Variants in ADGRF1 observed in about 807,000 individuals in gnomAD.
The protein encoded by ADGRF1 is G protein-coupled receptor 110.
In ADGRF1, 85 loss-of-function variants were observed where a neutral mutation model predicts 87.2. The ratio of observed to expected loss-of-function variants is 0.97; its 90% confidence interval spans 0.82 to 1.17. ADGRF1 has a LOEUF of 1.17. Ranked by LOEUF, ADGRF1 falls within the 50% of genes most tolerant of loss-of-function variation. The pLI is 0.00. For synonymous variants in ADGRF1, 430 were observed against 408.8 expected, an observed-to-expected ratio of 1.05 and a Z score of -0.63; for missense variants, 1,169 against 1,077.2, an observed-to-expected ratio of 1.09 and a Z score of -1.19.
rs1780759601 is a variant in ADGRF1, at chr6:47,042,260, T to C, written c.-113A>G. ...TTCAGTATACTTGTGGCTCAATCAC[T>C]TCTTATGCTGTTTGGAAAGAAAGTA... is the stretch of plus-strand genomic sequence containing the variant. On this transcript the variant is annotated 5_prime_UTR_variant, in exon 1 of 15. Transcript: ENST00000371253. The C allele has an allele frequency of 6.6e-6, 1 of 152,214 alleles. No individual in the cohort carries two copies. The highest frequency in any genetic ancestry group is 2.4e-5 in the African/African-American group (1 of 41,450). The allele number at this position is 152,214 out of a possible 1,614,324, so 9.4% of individuals were successfully genotyped here.
chr6:47,033,368 C>T (rs897517199), intron 1 of ADGRF1, among the ~76,000 whole-genome samples: 5 of 152,226 alleles, frequency 3.3e-5, no homozygotes, highest in Admixed American at 6.5e-5. Flanking sequence ...TATATACTTA[C>T]GGACTCCAAA....
chr6:47,011,135 C>A (rs1779693554), intron 10 of ADGRF1, among the ~76,000 whole-genome samples: 1 of 152,110 alleles, frequency 6.6e-6, no homozygotes, highest in Admixed American at 6.6e-5. Context: ...TGTTTTCACT[C>A]TTCATTTTAT....
chr6:47,006,100 TC>T (rs1406674549), intron 12 of ADGRF1, among the ~76,000 whole-genome samples: 2 of 152,188 alleles, frequency 1.3e-5, no homozygotes, highest in Non-Finnish European at 2.9e-5. Context: ...CCATACTCAT[TC>T]CAATTTTAGA....
chr6:47,013,278 A>G, intron 9 of ADGRF1: 1 of 985,424 alleles, frequency 1.0e-6, no homozygotes, highest in Non-Finnish European at 1.2e-6. Context: ...CCTGGAGCGA[A>G]CTAGTCTCAA....
intron 7 of ADGRF1, 198 bp downstream of exon 7, chr6:47,020,533 T>C: frequency 6.6e-7 from 1 of 1,505,966 alleles, no homozygotes. Flanking sequence ...GGTCCTAAAC[T>C]CATTTAAGTG....
At position 47,009,454 on chromosome 6, in the gene ADGRF1, C is replaced by T. The variant is rs1176732016; in HGVS notation, c.1981G>A (p.Val661Met). 8.7e-6 allele frequency: 14 copies of T among 1,613,918 alleles called. No individual in the cohort carries two copies. In the Middle Eastern group the frequency reaches 1.5e-3, roughly 171 times the overall value. Residue 661 changes from valine to methionine, a missense_variant, in exon 11 of 15, where the codon GTG becomes ATG. By Grantham distance (21) the Val-to-Met change is conservative. Transcript: ENST00000371253. The part of the protein sequence containing the change: ...VNPSGVCTAA[V>M]FFTHFFYLSL... ...AGGTAGAAGAAGTGTGTAAAGAACA[C>T]AGCAGCTGTGCAGACTCCAGAAGGG...
intron 13 of ADGRF1, among the ~76,000 whole-genome samples, chr6:47,002,567 T>A (rs1435658953): frequency 2.0e-5 from 3 of 152,168 alleles, no homozygotes; most frequent in Non-Finnish European, 4.4e-5. Context: ...GAATTTTAGG[T>A]TGTAACATAC....
intron 14 of ADGRF1, among the ~76,000 whole-genome samples, chr6:47,001,249 A>C (rs911050441): frequency 1.3e-5 from 2 of 152,214 alleles, no homozygotes; most frequent in African/African-American, 4.8e-5. Flanking sequence ...ATCTAATGTC[A>C]AACTTGGGAA....
Position 46,999,957 on chromosome 6 carries a change from C to A in ADGRF1, c.*265G>T. On this transcript the variant is annotated 3_prime_UTR_variant, in exon 15 of 15. Transcript: ENST00000371253. ...GAAACCATATTTTATGGTCAGGGTA[C>A]AACTGACACGATTTCCAACAAAACC... The A allele has an allele frequency of 2.7e-6, 1 of 365,960 alleles. No homozygotes were observed. The highest frequency in any genetic ancestry group is 5.1e-6 in the Non-Finnish European group (1 of 197,576). The allele number at this position is 365,960 out of a possible 1,614,324, so 22.7% of individuals were successfully genotyped here. A position where few individuals can be genotyped will look rare whatever the true frequency, so the allele number is the denominator to read the frequency against.
chr6:47,022,723 C>T (rs1780096840), intron 5 of ADGRF1, among the ~76,000 whole-genome samples: 1 of 152,090 alleles, frequency 6.6e-6, no homozygotes, highest in African/African-American at 2.4e-5. Flanking sequence ...AGTGTCATCC[C>T]TGTCTGATCC....
At position 47,016,737 on chromosome 6, in the gene ADGRF1, C is replaced by G. The variant is rs1319066384; in HGVS notation, c.643G>C (p.Val215Leu). Residue 215 changes from valine to leucine, a missense_variant, in exon 8 of 15, where the codon GTT becomes CTT. Coordinates refer to ENST00000371253, the MANE Select transcript of ADGRF1 (RefSeq NM_153840.4). ...AGTTCAGATGCACTGCTGGAGCCAA[C>G]AACTTCATACCCAGCAACGATGCTT... ...NGSIVAGYEV[V>L]GSSSASELLS... 6.3e-7 allele frequency: 1 copy of G among 1,599,472 alleles called. No homozygotes were observed. Among genetic ancestry groups the G allele is most frequent in the Non-Finnish European group, 8.6e-7 (1 of 1,169,386 alleles).
At chr6:47,042,081 G>C (rs1780755317) in intron 1 of ADGRF1, 110 bp downstream of exon 1, 1 of 152,074 alleles carries the variant, frequency 6.6e-6, no homozygotes, top group Admixed American at 6.5e-5. Flanking sequence ...ATGATACATT[G>C]AAATCAGAAT....
At chr6:47,018,362 AATT>A (rs1779941853) in intron 7 of ADGRF1, 1 of 1,246,570 alleles carries the variant, frequency 8.0e-7, no homozygotes, top group Non-Finnish European at 1.0e-6. Context: ...TGGGTGAAAA[AATT>A]ATTAATTACT....
chr6:47,018,353 G>T, intron 7 of ADGRF1: 5 of 1,238,370 alleles, frequency 4.0e-6, no homozygotes, highest in Non-Finnish European at 4.1e-6. Context: ...ATGAGAAGTT[G>T]GGTGAAAAAA....
At position 47,016,539 on chromosome 6, in the gene ADGRF1, C is replaced by T. The variant is rs114629617; in HGVS notation, c.763+78G>A. 461 of 1,378,634 alleles carry T rather than the reference C, an allele frequency of 3.3e-4. 2 individuals are homozygous for T. The African/African-American group carries it at 6.2e-3, about 18-fold the overall frequency. The allele number at this position is 1,378,634 out of a possible 1,614,324, so 85.4% of individuals were successfully genotyped here. On this transcript the variant is annotated intron_variant, in intron 8 of 14. Transcript: ENST00000371253. ...AATTCGTTATTCAAACGTCTCAAAT[C>T]TACTTCCTGAGGACACAAATGAACT...
At position 47,009,195 on chromosome 6, in the gene ADGRF1, A is replaced by T. The variant is rs759368897; in HGVS notation, c.2240T>A (p.Phe747Tyr). The stretch of plus-strand genomic sequence containing the variant: ...CACAATAGCCAGTGCAGGGACAACA[A>T]AAGCCAGGAGTGGTTTGCTTCCATT... Reference protein sequence around the residue: ...WSNGSKPLLAFVVPALAIVAV... With the variant: ...WSNGSKPLLAYVVPALAIVAV... Residue 747 changes from phenylalanine (F) to tyrosine (Y), a missense_variant, in exon 11 of 15, where the codon TTT becomes TAT. By Grantham distance (22) the Phe-to-Tyr change is conservative. Coordinates refer to ENST00000371253, the MANE Select transcript of ADGRF1 (RefSeq NM_153840.4). The T allele has an allele frequency of 6.8e-6, 11 of 1,614,076 alleles. No individual in the cohort carries two copies. The South Asian group carries it at 8.8e-5, about 13-fold the overall frequency.
chr6:47,032,174 A>AAAAAAT, intron 1 of ADGRF1, among the ~76,000 whole-genome samples: 1 of 152,248 alleles, frequency 6.6e-6, no homozygotes, highest in South Asian at 2.1e-4. Context: ...CTCCTCCTTA[A>AAAAAAT]AAAAATAAAA....
At chr6:47,038,156 C>T (rs982123499) in intron 1 of ADGRF1, among the ~76,000 whole-genome samples, 2 of 152,196 alleles carry the variant, frequency 1.3e-5, no homozygotes, top group African/African-American at 2.4e-5. Flanking sequence ...GCACCGTGTC[C>T]GGCCGAAGAA....
chr6:47,013,719 A>G lies in ADGRF1; in HGVS notation c.927+962T>C, dbSNP rs144826030. 3.0e-4 allele frequency: 274 copies of G among 921,790 alleles called. 1 individual carries two copies. The African/African-American group carries it at 4.4e-3, about 15-fold the overall frequency. 57.1% of individuals were successfully genotyped at this position (921,790 alleles called of 1,614,324 possible). On this transcript the variant is annotated intron_variant, in intron 9 of 14. Transcript: ENST00000371253. The stretch of plus-strand genomic sequence containing the variant: ...ATCTTATGTCGAGTTATAATTCCCA[A>G]TGTTGGAGGTGGGGCTTGGTGGGAG...
Sources: gnomAD v4.1 joint callset for allele counts (sites outside exome capture counted in the v4.1 genomes callset) on GRCh38, gnomAD v4.1.1 for gene constraint, MANE v1.5 for transcripts, NCBI Gene and HGNC (gene_info 2026-07-23, HGNC 2026-07-21) for gene names.